GRID2: variants seen among roughly 807,000 people sequenced by gnomAD.
GRID2 encodes the protein glutamate ionotropic receptor delta type subunit 2, also known as glutamate receptor ionotropic, delta-2.
Under a neutral mutation model 114.8 loss-of-function variants are expected in GRID2, and 33 were observed. The observed-to-expected ratio is 0.29, with a 90% confidence interval of 0.22 to 0.38. The LOEUF is 0.38. Among genes scored for constraint, GRID2 ranks in the 10% least tolerant of loss-of-function variants. The pLI is 1.00. For synonymous variants in GRID2, 505 were observed against 449.9 expected (o/e 1.12, Z -1.55); for missense variants, 1,184 against 1,257.7 (o/e 0.94, Z 0.89).
chr4:92,676,220 G>C (rs1201631846), intron 2 of GRID2, among the ~76,000 whole-genome samples: 4 of 83,608 alleles, frequency 4.8e-5, no homozygotes, highest in African/African-American at 1.5e-4. Flanking sequence ...TCGCTCTGTC[G>C]CCCAGGCTGG....
At chr4:92,500,365 A>G (rs1052275990) in intron 1 of GRID2, among the ~76,000 whole-genome samples, 1 of 151,886 alleles carries the variant, frequency 6.6e-6, no homozygotes, top group Non-Finnish European at 1.5e-5. Flanking sequence ...TTCTCAGTCT[A>G]TCTACAAAAG....
At position 93,482,498 on chromosome 4, in the gene GRID2, G is replaced by C. The variant is rs141570295; in HGVS notation, c.1859-8141G>C. Among the ~76,000 whole-genome samples the C allele has an allele frequency of 1.4e-4, 22 of 152,008 alleles. No individual in the cohort carries two copies. In the East Asian group the frequency reaches 3.3e-3, roughly 23 times the overall value. ...GGGAGTTGAAGAATGAGAACACATGGACACGGAGGGAAACATCACACAGCG... is the reference window on the plus strand; with the variant it reads ...GGGAGTTGAAGAATGAGAACACATGCACACGGAGGGAAACATCACACAGCG... On this transcript the variant is annotated intron_variant, in intron 11 of 15. Transcript: ENST00000282020.
intron 11 of GRID2, among the ~76,000 whole-genome samples, chr4:93,481,050 C>A (rs749619922): frequency 2.6e-5 from 4 of 152,046 alleles, no homozygotes; most frequent in Non-Finnish European, 5.9e-5. Flanking sequence ...AATCTGAAAT[C>A]TTACCACCCA....
At chr4:92,861,532 C>T (rs1304170012) in intron 2 of GRID2, among the ~76,000 whole-genome samples, 1 of 152,042 alleles carries the variant, frequency 6.6e-6, no homozygotes, top group Non-Finnish European at 1.5e-5. Flanking sequence ...GTCACAGTAC[C>T]TACTATGATC....
intron 2 of GRID2, among the ~76,000 whole-genome samples, chr4:92,704,723 T>TTTCTCTCTCTCTCTC (rs1734862854): frequency 1.1e-5 from 1 of 90,050 alleles, no homozygotes; most frequent in African/African-American, 4.2e-5. Flanking sequence ...CTCTCTCTCT[T>TTTCTCTCTCTCTCTC]TCTCTCTCTC....
chr4:93,525,725 G>T (rs1467385706), intron 13 of GRID2, among the ~76,000 whole-genome samples: 2 of 152,066 alleles, frequency 1.3e-5, no homozygotes, highest in Non-Finnish European at 2.9e-5. Context: ...AACTTCAGAG[G>T]ACTGTAGTGG....
chr4:92,735,137 A>C (rs2149327207), intron 2 of GRID2, among the ~76,000 whole-genome samples: 1 of 152,190 alleles, frequency 6.6e-6, no homozygotes, highest in African/African-American at 2.4e-5. Flanking sequence ...TTAACATATA[A>C]TTATCCAATT....
Position 93,078,209 on chromosome 4 carries a change from G to A in GRID2, c.245-6786G>A, listed in dbSNP as rs542153036. Among the ~76,000 whole-genome samples the A allele has an allele frequency of 1.5e-4, 23 of 151,922 alleles. No homozygotes were observed. In the South Asian group the frequency reaches 3.3e-3, roughly 22 times the overall value. ...GGAAACATTTTCTTTACTCTTTTTC[G>A]TCAAGGTAACCTCCATCCACTTAAT... On this transcript the variant is annotated intron_variant, in intron 2 of 15. Coordinates refer to ENST00000282020, the MANE Select transcript of GRID2 (RefSeq NM_001510.4).
At chr4:93,257,178 T>A (rs952623488) in intron 8 of GRID2, among the ~76,000 whole-genome samples, 5 of 151,846 alleles carry the variant, frequency 3.3e-5, no homozygotes, top group Non-Finnish European at 7.4e-5. Context: ...ATTCTAATCT[T>A]GTTTATCTGA....
At chr4:92,977,206 A>G (rs539243014) in intron 2 of GRID2, among the ~76,000 whole-genome samples, 1 of 152,296 alleles carries the variant, frequency 6.6e-6, no homozygotes, top group Admixed American at 6.5e-5. Flanking sequence ...ATTTGTAAAA[A>G]GTGCGATTAA....
intron 1 of GRID2, among the ~76,000 whole-genome samples, chr4:92,539,463 A>G (rs1040173608): frequency 6.6e-6 from 1 of 152,174 alleles, no homozygotes; most frequent in Non-Finnish European, 1.5e-5. Flanking sequence ...ACTGTTCCAT[A>G]GGTAATTCAT....
At chr4:93,567,621 G>A (rs963834471) in intron 13 of GRID2, among the ~76,000 whole-genome samples, 1 of 152,200 alleles carries the variant, frequency 6.6e-6, no homozygotes, top group Non-Finnish European at 1.5e-5. Flanking sequence ...TATGTGTGTT[G>A]TGTTGGGAAA....
At chr4:92,339,894 C>A (rs1727387143) in intron 1 of GRID2, among the ~76,000 whole-genome samples, 1 of 152,110 alleles carries the variant, frequency 6.6e-6, no homozygotes, top group Admixed American at 6.6e-5. Flanking sequence ...ACTGAAATTG[C>A]AGAAAGAAGA....
chr4:92,725,860 A>C (rs1736043173), intron 2 of GRID2, among the ~76,000 whole-genome samples: 1 of 152,156 alleles, frequency 6.6e-6, no homozygotes, highest in Non-Finnish European at 1.5e-5. Context: ...AGTTATATAG[A>C]GATAAAGCTT....
intron 14 of GRID2, among the ~76,000 whole-genome samples, chr4:93,716,176 T>A (rs1728883540): frequency 6.6e-6 from 1 of 152,140 alleles, no homozygotes; most frequent in African/African-American, 2.4e-5. Flanking sequence ...TAAGAGTAAA[T>A]ATGTGTATAT....
chr4:92,594,736 A>G (rs1728866458), intron 2 of GRID2, among the ~76,000 whole-genome samples: 1 of 151,980 alleles, frequency 6.6e-6, no homozygotes, highest in Non-Finnish European at 1.5e-5. Flanking sequence ...CTTTTTATTC[A>G]TAAGTTACTC....
chr4:93,622,404 T>C (rs1742292663), intron 13 of GRID2, among the ~76,000 whole-genome samples: 1 of 152,176 alleles, frequency 6.6e-6, no homozygotes, highest in South Asian at 2.1e-4. Flanking sequence ...GTGGTGTGCA[T>C]AAGCTGTCAG....
intron 1 of GRID2, among the ~76,000 whole-genome samples, chr4:92,418,573 T>C (rs1731734994): frequency 6.6e-6 from 1 of 151,976 alleles, no homozygotes; most frequent in Admixed American, 6.6e-5. Context: ...TGGAGGCAGA[T>C]CAGAGATTTA....
At position 93,582,423 on chromosome 4, in the gene GRID2, T is replaced by C. The variant is rs184276536; in HGVS notation, c.2194-43846T>C. 1.2e-3 allele frequency among the ~76,000 whole-genome samples: 180 copies of C among 152,270 alleles called. 1 individual carries two copies. The highest frequency in any genetic ancestry group is 4.2e-3 in the African/African-American group (174 of 41,552). ...GTCTCTTTTGTCATCTATGGTATCA[T>C]ATGGACAGATTTTAGGGATTGGAAG... On this transcript the variant is annotated intron_variant, in intron 13 of 15. Coordinates refer to ENST00000282020, the MANE Select transcript of GRID2 (RefSeq NM_001510.4).
Sources: gnomAD v4.1 joint callset for allele counts (sites outside exome capture counted in the v4.1 genomes callset) on GRCh38, gnomAD v4.1.1 for gene constraint, MANE v1.5 for transcripts, NCBI Gene and HGNC (gene_info 2026-07-23, HGNC 2026-07-21) for gene names.